Variants in RUNX1T1 observed in about 807,000 individuals in gnomAD.
RUNX1T1 encodes RUNX1 partner transcriptional co-repressor 1, also known as protein CBFA2T1.
A neutral mutation model predicts 62.8 loss-of-function variants in RUNX1T1; 4 were observed. The observed-to-expected ratio is 0.06, with a 90% CI of 0.03 to 0.15. The LOEUF is 0.15. Ranked by LOEUF, RUNX1T1 falls within the 10% of genes least tolerant of loss-of-function variation. The pLI is 1.00. For missense variants in RUNX1T1, 508 were observed against 754.3 expected (o/e 0.67, Z 3.82); for synonymous variants, 291 against 286.0 (o/e 1.02, Z -0.18).
At chr8:91,963,692 G>A (rs569951844) in intron 10 of RUNX1T1, among the ~76,000 whole-genome samples, 1 of 152,320 alleles carries the variant, frequency 6.6e-6, no homozygotes, top group African/African-American at 2.4e-5. Flanking sequence ...TGCAAACTGT[G>A]TCTAACAGCC....
At chr8:92,009,920 A>G (rs914204797) in intron 4 of RUNX1T1, 1 of 152,208 alleles carries the variant, frequency 6.6e-6, no homozygotes, top group African/African-American at 2.4e-5. Flanking sequence ...GGTACTCACA[A>G]AGCAGAATAT....
chr8:92,051,602 A>ACTCTCT (rs34298111), intron 1 of RUNX1T1, among the ~76,000 whole-genome samples: 8 of 140,904 alleles, frequency 5.7e-5, no homozygotes, highest in South Asian at 2.3e-4. Flanking sequence ...ACACACACAC[A>ACTCTCT]CTCTCTCTCT....
At chr8:91,964,580 AAAAT>A (rs1353519708) in intron 10 of RUNX1T1, among the ~76,000 whole-genome samples, 1 of 152,220 alleles carries the variant, frequency 6.6e-6, no homozygotes, top group African/African-American at 2.4e-5. Flanking sequence ...TGGGACCCTC[AAAAT>A]AAATAATTTT....
intron 1 of RUNX1T1, chr8:92,062,516 C>CAG (rs752278669): frequency 1.9e-6 from 3 of 1,610,632 alleles, no homozygotes; most frequent in Non-Finnish European, 2.5e-6. Context: ...ATTGGAAAAA[C>CAG]AGAGAGAACA....
At chr8:91,990,597 G>A (rs1817462459) in intron 6 of RUNX1T1, among the ~76,000 whole-genome samples, 1 of 151,650 alleles carries the variant, frequency 6.6e-6, no homozygotes, top group African/African-American at 2.4e-5. Context: ...CATTTTTCAT[G>A]GTAGACATTT....
At chr8:92,041,087 T>G (rs1389159057) in intron 1 of RUNX1T1, among the ~76,000 whole-genome samples, 1 of 152,216 alleles carries the variant, frequency 6.6e-6, no homozygotes, top group Non-Finnish European at 1.5e-5. Flanking sequence ...GTGCTTTACA[T>G]GAGTTAACTC....
chr8:92,049,896 T>C (rs1829979972), intron 1 of RUNX1T1, among the ~76,000 whole-genome samples: 1 of 152,124 alleles, frequency 6.6e-6, no homozygotes, highest in South Asian at 2.1e-4. Context: ...ACTAAGAAAC[T>C]CCTTATTTTG....
intron 1 of RUNX1T1, among the ~76,000 whole-genome samples, chr8:92,026,782 A>G (rs1825251411): frequency 6.6e-6 from 1 of 151,352 alleles, no homozygotes; most frequent in African/African-American, 2.4e-5. Flanking sequence ...AGATCGTGCC[A>G]CTGCACTCCA....
At chr8:92,004,949 C>T (rs1009213701) in intron 5 of RUNX1T1, 167 bp downstream of exon 6, 45 of 600,126 alleles carry the variant, frequency 7.5e-5, no homozygotes, top group Non-Finnish European at 2.8e-5. Flanking sequence ...ATTCAAAACT[C>T]TGTAAAATCC....
At chr8:92,056,250 T>C (rs775099791) in intron 1 of RUNX1T1, among the ~76,000 whole-genome samples, 6 of 152,138 alleles carry the variant, frequency 3.9e-5, no homozygotes, top group Non-Finnish European at 7.3e-5. Context: ...TCATCCCAGA[T>C]TGTGAAAAAT....
intron 1 of RUNX1T1, among the ~76,000 whole-genome samples, chr8:92,024,795 C>G (rs1210951416): frequency 6.6e-6 from 1 of 152,136 alleles, no homozygotes; most frequent in Non-Finnish European, 1.5e-5. Context: ...ACATTTTCCC[C>G]TAAGTTCCTT....
intron 1 of RUNX1T1, among the ~76,000 whole-genome samples, chr8:92,021,637 C>A (rs1342293718): frequency 6.6e-6 from 1 of 152,062 alleles, no homozygotes; most frequent in Non-Finnish European, 1.5e-5. Flanking sequence ...TTAGTTTTCC[C>A]GAGCCTCAGT....
intron 9 of RUNX1T1, among the ~76,000 whole-genome samples, chr8:91,974,205 G>T (rs1813435607): frequency 2.0e-5 from 3 of 152,040 alleles, no homozygotes; most frequent in African/African-American, 7.2e-5. Context: ...ATAAACAACT[G>T]ATTAAGTGGA....
intron 1 of RUNX1T1, among the ~76,000 whole-genome samples, chr8:92,089,677 T>C (rs187495264): frequency 6.6e-6 from 1 of 152,104 alleles, no homozygotes; most frequent in East Asian, 2.0e-4. Context: ...AGACCCAGAC[T>C]CTTTAGTTCC....
intron 3 of RUNX1T1, among the ~76,000 whole-genome samples, chr8:92,013,998 T>C (rs1483222748): frequency 6.6e-6 from 1 of 152,090 alleles, no homozygotes; most frequent in Non-Finnish European, 1.5e-5. Context: ...CACCAAACTG[T>C]ACACTTAAAA....
At chr8:91,959,521 C>A (rs1810010294) in exon 11 of RUNX1T1, 2 of 159,580 alleles carry the variant, frequency 1.3e-5, no homozygotes, top group Non-Finnish European at 2.5e-5. Context: ...TATATGGAGC[C>A]TTTTGTATTA....
chr8:91,997,144 A>G (rs1818861998), intron 5 of RUNX1T1, among the ~76,000 whole-genome samples: 1 of 152,150 alleles, frequency 6.6e-6, no homozygotes, highest in Non-Finnish European at 1.5e-5. Context: ...AAATAAAAAT[A>G]AATAAAAACA....
At chr8:92,102,720 G>T, upstream of RUNX1T1, 1 of 869,868 alleles carries the variant, frequency 1.1e-6, no homozygotes, top group Non-Finnish European at 1.6e-6. This position sits in a 1 kb window ranked among gnomAD's most constrained non-coding sequence, Gnocchi z 4.5. Context: ...TACCCTAATT[G>T]AGCGACAAGT....
intron 1 of RUNX1T1, among the ~76,000 whole-genome samples, chr8:92,038,068 T>TTATTTATTTATTTATG (rs927087554): frequency 2.6e-5 from 4 of 151,934 alleles, no homozygotes; most frequent in African/African-American, 9.7e-5. Flanking sequence ...ATTTATTTAT[T>TTATTTATTTATTTATG]TATGTATTCT....
Sources: allele counts gnomAD v4.1 joint callset (sites outside exome capture counted in the v4.1 genomes callset), GRCh38; gene constraint gnomAD v4.1.1; non-coding constraint Gnocchi (gnomAD v3.1); transcripts MANE v1.5; gene names NCBI Gene and HGNC (gene_info 2026-07-23, HGNC 2026-07-21).